Variants in LETM1 observed in about 807,000 individuals in gnomAD.
LETM1 encodes the protein mitochondrial proton/calcium exchanger protein.
A neutral mutation model predicts 74.5 loss-of-function variants in LETM1; 50 were observed. The observed-to-expected ratio is 0.67, with a 90% CI of 0.53 to 0.85. LETM1 has a LOEUF of 0.85. Ranked by LOEUF, LETM1 falls within the 40% of genes least tolerant of loss-of-function variation. The pLI is 0.00. For missense variants in LETM1, 824 were observed against 967.8 expected, an observed-to-expected ratio of 0.85 and a Z score of 1.97; for synonymous variants, 446 against 407.1, an observed-to-expected ratio of 1.10 and a Z score of -1.15.
intron 13 of LETM1, among the ~76,000 whole-genome samples, chr4:1,815,378 C>A (rs1711533657): frequency 6.6e-6 from 1 of 152,220 alleles, no homozygotes; most frequent in South Asian, 2.1e-4. Flanking sequence ...GCTGCACCCC[C>A]CCGGCTCCCC....
chr4:1,824,772 G>C (rs1358499520), intron 7 of LETM1, among the ~76,000 whole-genome samples: 4 of 152,276 alleles, frequency 2.6e-5, no homozygotes, highest in Admixed American at 2.0e-4. Context: ...CGGAGCTCCA[G>C]AAGGCTGGGC....
chr4:1,833,544 G>A (rs1184617768), intron 5 of LETM1: 1 of 160,304 alleles, frequency 6.2e-6, no homozygotes, highest in East Asian at 1.8e-4. Context: ...GTGCACCTGT[G>A]TGCACCTACA....
In LETM1 at chr4:1,834,727, T is replaced by C. The variant is rs1712402487; in HGVS notation, c.876+118A>G. 9.8e-6 allele frequency: 15 copies of C among 1,523,510 alleles called. No homozygotes were observed. Among genetic ancestry groups the C allele is most frequent in the Non-Finnish European group, 1.3e-5 (15 of 1,136,234 alleles). The allele number at this position is 1,523,510 out of a possible 1,614,324, so 94.4% of individuals were successfully genotyped here. On this transcript the variant is annotated intron_variant, in intron 5 of 13. Transcript: ENST00000302787. The surrounding 1 kb of genome is among the most constrained non-coding windows in gnomAD (Gnocchi z 5.0). ...CCCCGACTGAGCCTCCTGGGTAAAC[T>C]TTCAAGCGCCAGCCAGCACCTGGGG...
At chr4:1,846,891 A>G (rs1035381848) in intron 2 of LETM1, among the ~76,000 whole-genome samples, 7 of 152,242 alleles carry the variant, frequency 4.6e-5, no homozygotes, top group African/African-American at 1.7e-4. Context: ...AGCTGAACAA[A>G]TAACAGGAAA....
intron 5 of LETM1, chr4:1,833,453 A>AG: frequency 5.8e-6 from 1 of 171,674 alleles, no homozygotes; most frequent in East Asian, 1.5e-4. Flanking sequence ...GCCCGGGCCC[A>AG]CAGGCTGCTG....
At chr4:1,822,005 T>C (rs1485382436) in intron 10 of LETM1, among the ~76,000 whole-genome samples, 176 bp downstream of exon 10, 1 of 152,184 alleles carries the variant, frequency 6.6e-6, no homozygotes, top group Non-Finnish European at 1.5e-5. Context: ...ACTCTTTTCC[T>C]AACCACCAAG....
intron 1 of LETM1, among the ~76,000 whole-genome samples, chr4:1,851,145 T>G (rs940481033): frequency 6.6e-6 from 1 of 152,120 alleles, no homozygotes; most frequent in East Asian, 1.9e-4. Context: ...AACTTCATGC[T>G]GGGAACAAGA....
chr4:1,833,197 G>A (rs1358131088), intron 5 of LETM1: 6 of 492,298 alleles, frequency 1.2e-5, no homozygotes, highest in Admixed American at 6.7e-5. Flanking sequence ...TTAGCCTCCC[G>A]AGTAGCTGGG....
chr4:1,838,333 C>T (rs1265321223), intron 3 of LETM1, among the ~76,000 whole-genome samples: 1 of 151,940 alleles, frequency 6.6e-6, no homozygotes, highest in Non-Finnish European at 1.5e-5. Context: ...CTCTTGACCT[C>T]ATGATCGGCC....
chr4:1,816,437 C>T (rs1711573893), intron 12 of LETM1, among the ~76,000 whole-genome samples: 1 of 152,084 alleles, frequency 6.6e-6, no homozygotes, highest in Non-Finnish European at 1.5e-5. Flanking sequence ...AAGAGAGAGC[C>T]TGGTAATTAG....
intron 3 of LETM1, chr4:1,839,275 T>C (rs1369538242): frequency 2.0e-5 from 3 of 151,748 alleles, no homozygotes; most frequent in African/African-American, 7.3e-5. Flanking sequence ...GAAGCACGGA[T>C]CCCAAAAATA....
chr4:1,833,438 G>T (rs1055295950), intron 5 of LETM1: 1 of 175,710 alleles, frequency 5.7e-6, no homozygotes, highest in Admixed American at 5.4e-5. Context: ...TCTGCTGGGG[G>T]AGACGCCCGG....
At chr4:1,822,130 G>T (rs1417796168) in intron 10 of LETM1, 51 bp downstream of exon 10, 1 of 1,350,054 alleles carries the variant, frequency 7.4e-7, no homozygotes, top group South Asian at 2.3e-5. Context: ...TGTCCACAAA[G>T]CCAGGCCATG....
intron 2 of LETM1, among the ~76,000 whole-genome samples, chr4:1,842,434 C>T (rs1712733787): frequency 6.6e-6 from 1 of 152,242 alleles, no homozygotes; most frequent in Non-Finnish European, 1.5e-5. Flanking sequence ...AGCCTCACAC[C>T]TGCCCCCCCG....
chr4:1,815,416 G>A (rs1711538792), intron 13 of LETM1, among the ~76,000 whole-genome samples: 1 of 152,344 alleles, frequency 6.6e-6, no homozygotes, highest in East Asian at 1.9e-4. Context: ...GCGGGGTCCA[G>A]GGACATGCGT....
At chr4:1,828,738 C>T (rs1173409982) in intron 6 of LETM1, among the ~76,000 whole-genome samples, 79 of 117,376 alleles carry the variant, frequency 6.7e-4, no homozygotes, top group Middle Eastern at 9.3e-3. Context: ...GAGGGGCTCC[C>T]CACTTCCCAG....
intron 1 of LETM1, among the ~76,000 whole-genome samples, chr4:1,854,263 C>T (rs921558110): frequency 6.8e-6 from 1 of 146,728 alleles, no homozygotes; most frequent in Non-Finnish European, 1.5e-5. Context: ...GGGTGGATCA[C>T]GAGGTCAGGA....
chr4:1,844,136 G>A (rs1012038280), intron 2 of LETM1, among the ~76,000 whole-genome samples: 3 of 152,228 alleles, frequency 2.0e-5, no homozygotes, highest in South Asian at 2.1e-4. Context: ...AGAAGCACAC[G>A]ATGGACTCAG....
intron 13 of LETM1, 32 bp from the exon 14 acceptor site, chr4:1,814,605 G>T: frequency 6.3e-7 from 1 of 1,592,428 alleles, no homozygotes; most frequent in Non-Finnish European, 8.6e-7. Context: ...AGGCTCAGGT[G>T]GCTGCGCCCT....
Sources: gnomAD v4.1 joint callset for allele counts (sites outside exome capture counted in the v4.1 genomes callset) on GRCh38, gnomAD v4.1.1 for gene constraint, Gnocchi (gnomAD v3.1) non-coding constraint, MANE v1.5 for transcripts, NCBI Gene and HGNC (gene_info 2026-07-23, HGNC 2026-07-21) for gene names.